ADAM17: variants seen among roughly 807,000 people sequenced by gnomAD.
The protein encoded by ADAM17 is ADAM metallopeptidase domain 17.
Under a neutral mutation model 96.7 loss-of-function variants are expected in ADAM17, and 39 were observed. The ratio of observed to expected loss-of-function variants is 0.40; its 90% confidence interval spans 0.31 to 0.53. The LOEUF is 0.53. ADAM17 is among the 20% of genes least tolerant of loss of function. ADAM17 has a pLI of 0.44. For synonymous variants in ADAM17, 344 were observed against 359.2 expected (o/e 0.96, Z 0.48); for missense variants, 777 against 1,013.2 (o/e 0.77, Z 3.17).
intron 8 of ADAM17, among the ~76,000 whole-genome samples, chr2:9,519,865 GTTGT>G (rs906839770): frequency 1.8e-4 from 27 of 152,304 alleles, no homozygotes; most frequent in Admixed American, 3.9e-4. Flanking sequence ...CCAAACTTCT[GTTGT>G]TTAAGTCCCC....
intron 12 of ADAM17, among the ~76,000 whole-genome samples, chr2:9,503,137 CAA>C (rs750548968): frequency 2.0e-4 from 15 of 74,190 alleles, no homozygotes; most frequent in Non-Finnish European, 1.9e-4. Flanking sequence ...GAGACTCTCT[CAA>C]AAAAAAAAAA....
At chr2:9,555,177 C>CA (rs1462324953) in intron 1 of ADAM17, among the ~76,000 whole-genome samples, 6 of 152,102 alleles carry the variant, frequency 3.9e-5, no homozygotes, top group African/African-American at 1.4e-4. Context: ...ACCCTGACCA[C>CA]ATCTCCCTCT....
chr2:9,555,720 T>C lies in ADAM17; in HGVS notation c.-115A>G, dbSNP rs1221624273. ...TCCGCCCGGCCTAGCCCCTCAATCC[T>C]CTTTTCCCTCCCGCGCCGCCTACTG... On this transcript the variant is annotated 5_prime_UTR_variant, in exon 1 of 19. Transcript: ENST00000310823. 2.4e-6 allele frequency: 2 copies of C among 838,822 alleles called. No individual in the cohort carries two copies. Among genetic ancestry groups the C allele is most frequent in the Non-Finnish European group, 3.5e-6 (2 of 578,560 alleles). The allele number at this position is 838,822 out of a possible 1,614,324, so 52.0% of individuals were successfully genotyped here. A position where few individuals can be genotyped will look rare whatever the true frequency, so the allele number is the denominator to read the frequency against.
intron 7 of ADAM17, chr2:9,522,390 C>T (rs749624578): frequency 1.8e-6 from 1 of 564,192 alleles, no homozygotes; most frequent in Non-Finnish European, 3.3e-6. Flanking sequence ...CAGAGACTTA[C>T]TTTTCACTGG....
Position 9,488,909 on chromosome 2 carries a change from G to GA in ADAM17, c.*1267dup, listed in dbSNP as rs1661825724. On this transcript the variant is annotated 3_prime_UTR_variant, in exon 19 of 19. Transcript: ENST00000310823. The stretch of plus-strand genomic sequence containing the variant: ...GGTGAGCACATTTCAGTTCTTAGGG[G>GA]AAAAAAAGCTTTTAATGGCAATTTA... The GA allele has an allele frequency of 6.6e-6, 1 of 152,044 alleles. No individual in the cohort carries two copies. Among genetic ancestry groups the GA allele is most frequent in the Non-Finnish European group, 1.5e-5 (1 of 67,996 alleles). The allele number at this position is 152,044 out of a possible 1,614,324, so 9.4% of individuals were successfully genotyped here.
Position 9,516,202 on chromosome 2 carries a change from T to A in ADAM17, c.1191+1699A>T, listed in dbSNP as rs370068256. Among the ~76,000 whole-genome samples the A allele has an allele frequency of 2.6e-5, 4 of 152,354 alleles. No homozygotes were observed. The East Asian group carries it at 5.8e-4, about 22-fold the overall frequency. On this transcript the variant is annotated intron_variant, in intron 10 of 18. Transcript: ENST00000310823. ...TTTTTAAATTAGGTTGTTCATTTTCTTATTGTTGAATTTTAACAGTTCTTT... is the reference window on the plus strand; with the variant it reads ...TTTTTAAATTAGGTTGTTCATTTTCATATTGTTGAATTTTAACAGTTCTTT...
intron 8 of ADAM17, among the ~76,000 whole-genome samples, chr2:9,519,896 G>A (rs1664238213): frequency 6.6e-6 from 1 of 152,206 alleles, no homozygotes; most frequent in Non-Finnish European, 1.5e-5. Context: ...ATGCTGCTTT[G>A]TCATGTCAGC....
chr2:9,530,596 G>A (rs528489110), intron 4 of ADAM17, among the ~76,000 whole-genome samples: 2 of 152,294 alleles, frequency 1.3e-5, no homozygotes, highest in South Asian at 4.1e-4. Context: ...GCAGAAAACT[G>A]GATTGGATCC....
chr2:9,535,121 G>A lies in ADAM17; in HGVS notation c.450+713C>T, dbSNP rs1434246544. On this transcript the variant is annotated intron_variant, in intron 4 of 18. Coordinates refer to ENST00000310823, the MANE Select transcript of ADAM17 (RefSeq NM_003183.6). ...ACATATAGTATATATAGCTCCAGCA[G>A]ACTGTTTTACCCCTATTAAGCACTC... Among the ~76,000 whole-genome samples the A allele has an allele frequency of 2.0e-5, 3 of 152,156 alleles. No individual in the cohort carries two copies. The East Asian group carries it at 5.8e-4, about 29-fold the overall frequency.
At chr2:9,553,064 C>T (rs1006263120) in intron 1 of ADAM17, among the ~76,000 whole-genome samples, 44 of 151,850 alleles carry the variant, frequency 2.9e-4, no homozygotes, top group African/African-American at 1.1e-3. Flanking sequence ...AGCTGTCAAA[C>T]AAACTGAAAA....
At chr2:9,500,154 T>C (rs950511453) in intron 13 of ADAM17, among the ~76,000 whole-genome samples, 3 of 152,298 alleles carry the variant, frequency 2.0e-5, no homozygotes, top group Admixed American at 2.0e-4. Flanking sequence ...CAAATGTCTA[T>C]CAACCAATGA....
chr2:9,501,571 AAAC>A (rs1335844691), intron 13 of ADAM17, among the ~76,000 whole-genome samples: 2 of 152,236 alleles, frequency 1.3e-5, no homozygotes, highest in Non-Finnish European at 2.9e-5. Flanking sequence ...TCATATAACT[AAAC>A]AATATGTAGG....
rs576898684 is a variant in ADAM17 at position 9,554,287 on chromosome 2, A to G, written c.97+1222T>C. On this transcript the variant is annotated intron_variant, in intron 1 of 18. Coordinates refer to ENST00000310823, the MANE Select transcript of ADAM17 (RefSeq NM_003183.6). ...ATTCTTTTTACTAACATTTATCCTT[A>G]AAATGAAGACCCTTACCCTATCCCT... is the stretch of plus-strand genomic sequence containing the variant. Among the ~76,000 whole-genome samples, 23 of 152,306 alleles carry G rather than the reference A, an allele frequency of 1.5e-4. No individual in the cohort carries two copies. In the South Asian group the frequency reaches 4.1e-3, roughly 27 times the overall value.
At position 9,498,300 on chromosome 2, in the gene ADAM17, G is replaced by A. The variant is rs115332041; in HGVS notation, c.1649-1052C>T. On this transcript the variant is annotated intron_variant, in intron 13 of 18. Coordinates refer to ENST00000310823, the MANE Select transcript of ADAM17 (RefSeq NM_003183.6). ...CTCCCACCTTGGCCTTCCAAGTGCTGGAATGATAGGCATGAGCCACTGTGC... is the reference window on the plus strand; with the variant it reads ...CTCCCACCTTGGCCTTCCAAGTGCTAGAATGATAGGCATGAGCCACTGTGC... Among the ~76,000 whole-genome samples the A allele has an allele frequency of 5.1e-3, 777 of 152,290 alleles. 7 individuals are homozygous for A. Among genetic ancestry groups the A allele is most frequent in the African/African-American group, 0.017 (724 of 41,550 alleles).
At chr2:9,551,390 T>C (rs1665586848) in intron 1 of ADAM17, among the ~76,000 whole-genome samples, 1 of 152,238 alleles carries the variant, frequency 6.6e-6, no homozygotes, top group Non-Finnish European at 1.5e-5. Context: ...AATTTTGAAA[T>C]ATTTGCATAT....
chr2:9,541,647 G>C (rs746525034), intron 2 of ADAM17, among the ~76,000 whole-genome samples: 2 of 152,200 alleles, frequency 1.3e-5, no homozygotes, highest in Non-Finnish European at 2.9e-5. Context: ...AACTGAGTTA[G>C]AAGTAAAAAC....
intron 10 of ADAM17, among the ~76,000 whole-genome samples, chr2:9,512,606 C>CCTCATT (rs1169009891): frequency 3.9e-5 from 6 of 152,126 alleles, no homozygotes; most frequent in African/African-American, 7.2e-5. Context: ...GTCCAGAGAT[C>CCTCATT]CTCATTCTCA....
At chr2:9,550,959 C>A (rs1342326736) in intron 1 of ADAM17, among the ~76,000 whole-genome samples, 5 of 150,020 alleles carry the variant, frequency 3.3e-5, no homozygotes, top group African/African-American at 1.2e-4. Context: ...CCTGTAATCC[C>A]AGCTATTCGT....
At chr2:9,521,385 AT>A in intron 7 of ADAM17, 69 bp from the exon 8 acceptor site, 2 of 1,066,440 alleles carry the variant, frequency 1.9e-6, no homozygotes, top group Non-Finnish European at 1.4e-6. Flanking sequence ...ATACTGCATT[AT>A]TTTATCTGTT....
Sources: allele counts gnomAD v4.1 joint callset (sites outside exome capture counted in the v4.1 genomes callset), GRCh38; gene constraint gnomAD v4.1.1; transcripts MANE v1.5; gene names NCBI Gene and HGNC (gene_info 2026-07-23, HGNC 2026-07-21).